The following DENND4C variants were observed in gnomAD, a reference collection of about 807,000 sequenced individuals.
DENND4C encodes the protein DENN domain containing 4C, also known as DENN domain-containing protein 4C.
DENND4C carries 108 observed loss-of-function variants against 203.0 expected under a neutral mutation model. The ratio of observed to expected loss-of-function variants is 0.53; its 90% CI spans 0.46 to 0.62. The LOEUF (loss-of-function observed/expected upper bound fraction) is 0.62. DENND4C is among the 20% of genes least tolerant of loss of function. DENND4C has a pLI of 0.00. For missense variants in DENND4C, 2,481 were observed against 2,301.2 expected (o/e 1.08, Z -1.60); for synonymous variants, 871 against 792.4 (o/e 1.10, Z -1.67).
At chr9:19,274,315 G>C (rs902035884) in intron 1 of DENND4C, among the ~76,000 whole-genome samples, 3 of 151,068 alleles carry the variant, frequency 2.0e-5, no homozygotes, top group African/African-American at 7.3e-5. Context: ...TTTTTTTTGA[G>C]ATGGAATTTT....
At chr9:19,253,504 C>G (rs550932081) in intron 1 of DENND4C, among the ~76,000 whole-genome samples, 6 of 152,288 alleles carry the variant, frequency 3.9e-5, no homozygotes, top group Admixed American at 3.9e-4. Flanking sequence ...GTCAACATGA[C>G]TTTGATAATG....
intron 1 of DENND4C, among the ~76,000 whole-genome samples, chr9:19,238,484 CCCT>C: frequency 3.5e-5 from 1 of 28,350 alleles, no homozygotes; most frequent in Admixed American, 3.6e-4. Flanking sequence ...CCTCCCCTCC[CCCT>C]TCTCCTCCCC....
Position 19,297,983 on chromosome 9 carries a change from T to C in DENND4C, c.1041-73T>C, listed in dbSNP as rs775786075. The C allele has an allele frequency of 4.1e-6, 5 of 1,208,654 alleles. No individual in the cohort carries two copies. In the Admixed American group the frequency reaches 8.2e-5, roughly 20 times the overall value. The allele number at this position is 1,208,654 out of a possible 1,614,324, so 74.9% of individuals were successfully genotyped here. A position where few individuals can be genotyped will look rare whatever the true frequency, so the allele number is the denominator to read the frequency against. ...ATATCTGGGATGATATATAGTGATATTTAAGATTTGTTAAAAACTGTGATG... is the reference window on the plus strand; with the variant it reads ...ATATCTGGGATGATATATAGTGATACTTAAGATTTGTTAAAAACTGTGATG... On this transcript the variant is annotated intron_variant, in intron 6 of 32. Coordinates refer to ENST00000434457, the MANE Select transcript of DENND4C (RefSeq NM_001330640.2).
chr9:19,260,096 C>T (rs1417730954), intron 1 of DENND4C, among the ~76,000 whole-genome samples: 2 of 152,130 alleles, frequency 1.3e-5, no homozygotes, highest in African/African-American at 4.8e-5. Context: ...TATGAGGGTT[C>T]CCTTTTCTTC....
At position 19,326,333 on chromosome 9, in the gene DENND4C, T is replaced by A. The variant is rs149294787; in HGVS notation, c.2120+139T>A. ...TGAACTAATGTAGATAAATATTTTATGGAAATGCCACTAGGTGTTATAATT... is the reference window on the plus strand; with the variant it reads ...TGAACTAATGTAGATAAATATTTTAAGGAAATGCCACTAGGTGTTATAATT... On this transcript the variant is annotated intron_variant, in intron 15 of 32. Coordinates refer to ENST00000434457, the MANE Select transcript of DENND4C (RefSeq NM_001330640.2). The A allele has an allele frequency of 3.2e-4, 272 of 858,582 alleles. No homozygotes were observed. In the African/African-American group the frequency reaches 4.3e-3, roughly 14 times the overall value. 53.2% of individuals were successfully genotyped at this position (858,582 alleles called of 1,614,324 possible).
At position 19,373,645 on chromosome 9, in the gene DENND4C, T is replaced by C. The variant is rs1829200575; in HGVS notation, c.*1472T>C. 1 of 152,644 alleles carries C rather than the reference T, an allele frequency of 6.6e-6. No homozygotes were observed. The highest frequency in any genetic ancestry group is 2.4e-5 in the African/African-American group (1 of 41,466). 9.5% of individuals were successfully genotyped at this position (152,644 alleles called of 1,614,324 possible). A position where few individuals can be genotyped will look rare whatever the true frequency, so the allele number is the denominator to read the frequency against. On this transcript the variant is annotated 3_prime_UTR_variant, in exon 33 of 33. Coordinates refer to ENST00000434457, the MANE Select transcript of DENND4C (RefSeq NM_001330640.2). Reference sequence around the variant, plus strand: ...AAAATCATGATCTCACATGCCTCACTTTGACATTTATCATGCCTTTTATTA... The same window carrying C: ...AAAATCATGATCTCACATGCCTCACCTTGACATTTATCATGCCTTTTATTA...
chr9:19,350,450 G>C (rs1438957206), intron 23 of DENND4C, among the ~76,000 whole-genome samples: 1 of 152,076 alleles, frequency 6.6e-6, no homozygotes, highest in Non-Finnish European at 1.5e-5. Context: ...ATTCAATATT[G>C]AGAGACACCC....
At chr9:19,319,309 TATACACACATATATATACATATATATAC>T (rs1283305571) in intron 12 of DENND4C, among the ~76,000 whole-genome samples, 1 of 98,950 alleles carries the variant, frequency 1.0e-5, no homozygotes, top group African/African-American at 3.3e-5. Context: ...TATACACATA[TATACACACATATATATACATATATATAC>T]ACATATATAT....
intron 30 of DENND4C, among the ~76,000 whole-genome samples, chr9:19,363,141 C>T (rs1826850586): frequency 6.6e-6 from 1 of 152,154 alleles, no homozygotes; most frequent in African/African-American, 2.4e-5. Flanking sequence ...CTCACATAAC[C>T]TTTTCTCTGT....
intron 1 of DENND4C, among the ~76,000 whole-genome samples, chr9:19,262,943 A>G (rs1045084478): frequency 6.6e-6 from 1 of 152,206 alleles, no homozygotes; most frequent in East Asian, 1.9e-4. Flanking sequence ...TCCTTATGTA[A>G]TCGCTCTAGC....
chr9:19,274,876 C>T (rs188195420), intron 1 of DENND4C, among the ~76,000 whole-genome samples: 1 of 152,152 alleles, frequency 6.6e-6, no homozygotes. Flanking sequence ...AGCTCTAAGA[C>T]TCCTGTAACT....
At chr9:19,328,673 A>G (rs1435038109) in intron 16 of DENND4C, among the ~76,000 whole-genome samples, 2 of 145,284 alleles carry the variant, frequency 1.4e-5, no homozygotes, top group South Asian at 2.1e-4. Flanking sequence ...CTATCTATCT[A>G]TCTATCTATC....
chr9:19,290,219 T>C (rs1836011933), intron 4 of DENND4C, among the ~76,000 whole-genome samples: 1 of 152,248 alleles, frequency 6.6e-6, no homozygotes, highest in Non-Finnish European at 1.5e-5. Flanking sequence ...ACAGTGTTTC[T>C]GTCTCATTTA....
At chr9:19,337,342 A>G (rs1218602004) in intron 20 of DENND4C, among the ~76,000 whole-genome samples, 3 of 152,236 alleles carry the variant, frequency 2.0e-5, no homozygotes, top group African/African-American at 4.8e-5. Flanking sequence ...GTTAGAAATA[A>G]GTGTAACTAA....
In DENND4C at chr9:19,246,967, T is replaced by C. The variant is rs535452548; in HGVS notation, c.-18+16134T>C. ...TCTCAGTATCTCTACCCTCTAAGAT[T>C]CCATTTTTTCCCCAACTCTTTCCAG... is the stretch of plus-strand genomic sequence containing the variant. On this transcript the variant is annotated intron_variant, in intron 1 of 32. Transcript: ENST00000434457. Among the ~76,000 whole-genome samples the C allele has an allele frequency of 4.1e-4, 62 of 152,292 alleles. 1 individual carries two copies. The South Asian group carries it at 0.011, about 28-fold the overall frequency.
At chr9:19,285,160 T>G (rs933620193) in intron 2 of DENND4C, among the ~76,000 whole-genome samples, 1 of 152,164 alleles carries the variant, frequency 6.6e-6, no homozygotes, top group South Asian at 2.1e-4. Flanking sequence ...CCTTAGTATA[T>G]TGAGAAATTA....
intron 13 of DENND4C, 45 bp downstream of exon 13, chr9:19,324,552 C>G: frequency 1.3e-6 from 2 of 1,564,366 alleles, no homozygotes; most frequent in Non-Finnish European, 1.7e-6. Flanking sequence ...AAAAGTTTGC[C>G]TTACCTGTGT....
At position 19,276,462 on chromosome 9, in the gene DENND4C, A is replaced by G; in HGVS notation, c.288A>G (p.Pro96=). ...FLCYKRGRDK[P]PLTDIGVLYE... ...GTTATAAGAGAGGGAGAGATAAACC[A>G]CCGCTTACAGATATTGGGTATGGTG... Residue 96 remains proline (P), a synonymous_variant, in exon 2 of 33, where the codon CCA becomes CCG. Transcript: ENST00000434457. 8.1e-7 allele frequency: 1 copy of G among 1,232,018 alleles called. No individual in the cohort carries two copies. The highest frequency in any genetic ancestry group is 1.0e-6 in the Non-Finnish European group (1 of 987,898). 76.3% of individuals were successfully genotyped at this position (1,232,018 alleles called of 1,614,324 possible). A position where few individuals can be genotyped will look rare whatever the true frequency, so the allele number is the denominator to read the frequency against.
chr9:19,299,736 G>A (rs1038477372), intron 8 of DENND4C, among the ~76,000 whole-genome samples: 5 of 152,112 alleles, frequency 3.3e-5, no homozygotes, highest in Non-Finnish European at 1.5e-5. Flanking sequence ...TATCCACCCT[G>A]TAGCCAGTGT....
Sources: gnomAD v4.1 joint callset for allele counts (sites outside exome capture counted in the v4.1 genomes callset) on GRCh38, gnomAD v4.1.1 for gene constraint, MANE v1.5 for transcripts, NCBI Gene and HGNC (gene_info 2026-07-23, HGNC 2026-07-21) for gene names.